CASD1: variants seen among roughly 807,000 people sequenced by gnomAD.
CASD1 encodes the protein N-acetylneuraminate (7)9-O-acetyltransferase.
A neutral mutation model predicts 100.0 loss-of-function variants in CASD1; 41 were observed. The ratio of observed to expected loss-of-function variants is 0.41; its 90% CI spans 0.32 to 0.53. The LOEUF is 0.53. Ranked by LOEUF, CASD1 falls within the 20% of genes least tolerant of loss-of-function variation. The pLI is 0.25. For missense variants in CASD1, 774 were observed against 948.7 expected, an observed-to-expected ratio of 0.82 and a Z score of 2.42; for synonymous variants, 321 against 315.6, an observed-to-expected ratio of 1.02 and a Z score of -0.18.
the CASD1 span, among the ~76,000 whole-genome samples, chr7:94,615,790 C>T: frequency 2.6e-4 from 40 of 152,238 alleles, no homozygotes; most frequent in African/African-American, 8.9e-4. Context: ...CTACATCACT[C>T]GCCTGTGGTT....
At chr7:94,569,804 A>G in the CASD1 span, among the ~76,000 whole-genome samples, 3 of 144,724 alleles carry the variant, frequency 2.1e-5, no homozygotes, top group Non-Finnish European at 3.0e-5. Flanking sequence ...CATTCTACCA[A>G]TCTCTGACTT....
the CASD1 span, among the ~76,000 whole-genome samples, chr7:94,577,735 T>G: frequency 6.6e-6 from 1 of 152,210 alleles, no homozygotes; most frequent in African/African-American, 2.4e-5. Flanking sequence ...TATCCACAAT[T>G]TTAGGCAGCT....
At chr7:94,627,381 C>G in the CASD1 span, 1 of 151,976 alleles carries the variant, frequency 6.6e-6, no homozygotes, top group Non-Finnish European at 1.5e-5. Context: ...ATGCTAGGTG[C>G]TGGTGAGGAC....
At position 94,535,560 on chromosome 7, in the gene CASD1, A is replaced by G. The variant is rs774416932; in HGVS notation, c.843+37A>G. 9 of 1,403,986 alleles carry G rather than the reference A, an allele frequency of 6.4e-6. No homozygotes were observed. In the East Asian group the frequency reaches 1.4e-4, roughly 21 times the overall value. 87.0% of individuals were successfully genotyped at this position (1,403,986 alleles called of 1,614,324 possible). A position where few individuals can be genotyped will look rare whatever the true frequency, so the allele number is the denominator to read the frequency against. On this transcript the variant is annotated intron_variant, in intron 8 of 17. Transcript: ENST00000297273. Reference sequence around the variant, plus strand: ...TTACATATGTCAGTAGATGGAGACTATAATATCAATTGCTTTAAGCCATAA... The same window carrying G: ...TTACATATGTCAGTAGATGGAGACTGTAATATCAATTGCTTTAAGCCATAA...
Position 94,522,899 on chromosome 7 carries a change from G to C in CASD1, c.352-4263G>C, listed in dbSNP as rs1794362639. On this transcript the variant is annotated intron_variant, in intron 3 of 17. Coordinates refer to ENST00000297273, the MANE Select transcript of CASD1 (RefSeq NM_022900.5). ...GATGGTCTCGATCTCCTGACCTCGT[G>C]ATCCACCCACCTCGGCCTCCCAAAG... is the stretch of plus-strand genomic sequence containing the variant. Among the ~76,000 whole-genome samples, 2 of 152,146 alleles carry C rather than the reference G, an allele frequency of 1.3e-5. 1 individual carries two copies. Among genetic ancestry groups the C allele is most frequent in the South Asian group, 4.1e-4 (2 of 4,826 alleles).
At chr7:94,595,540 C>T in the CASD1 span, among the ~76,000 whole-genome samples, 1 of 152,190 alleles carries the variant, frequency 6.6e-6, no homozygotes, top group Non-Finnish European at 1.5e-5. Flanking sequence ...AAGTACAAGA[C>T]AGCATTATCC....
the CASD1 span, among the ~76,000 whole-genome samples, chr7:94,593,834 C>T: frequency 5.3e-5 from 8 of 152,060 alleles, no homozygotes; most frequent in Non-Finnish European, 8.8e-5. Flanking sequence ...ATGTGAATAA[C>T]AACCCTTCTT....
At chr7:94,520,695 C>T (rs749391112) in intron 3 of CASD1, among the ~76,000 whole-genome samples, 4 of 152,160 alleles carry the variant, frequency 2.6e-5, no homozygotes, top group African/African-American at 7.2e-5. Flanking sequence ...TGGTGACTCA[C>T]GCCTGTAATC....
At chr7:94,620,181 AC>A in the CASD1 span, 1 of 152,290 alleles carries the variant, frequency 6.6e-6, no homozygotes, top group African/African-American at 2.4e-5. Flanking sequence ...ATCTTGGTTA[AC>A]TTATTTCTTA....
At chr7:94,614,965 C>A in the CASD1 span, among the ~76,000 whole-genome samples, 1 of 152,122 alleles carries the variant, frequency 6.6e-6, no homozygotes, top group Admixed American at 6.6e-5. Flanking sequence ...ATACAGGTTT[C>A]CAATTTTATT....
intron 1 of CASD1, among the ~76,000 whole-genome samples, chr7:94,514,155 C>T (rs946851515): frequency 4.6e-5 from 7 of 151,492 alleles, no homozygotes; most frequent in African/African-American, 1.7e-4. Flanking sequence ...TATTAAATGC[C>T]AGTGCTAAAT....
chr7:94,633,414 G>C, the CASD1 span, among the ~76,000 whole-genome samples: 9 of 152,062 alleles, frequency 5.9e-5, no homozygotes, highest in Non-Finnish European at 5.9e-5. Context: ...GAGCCAAAGG[G>C]TTATGTAAGC....
At chr7:94,541,353 A>G (rs1228975544) in intron 10 of CASD1, among the ~76,000 whole-genome samples, 3 of 151,814 alleles carry the variant, frequency 2.0e-5, no homozygotes, top group East Asian at 3.8e-4. Flanking sequence ...TTTTATGCTA[A>G]AAGATAACTG....
the CASD1 span, among the ~76,000 whole-genome samples, chr7:94,596,140 TAGAG>T: frequency 6.6e-6 from 1 of 152,084 alleles, no homozygotes. Context: ...CATTTGCAAA[TAGAG>T]AGATCTGATC....
At position 94,516,916 on chromosome 7, in the gene CASD1, TA is replaced by T. The variant is rs113774762; in HGVS notation, c.134-640del. 1.8e-3 allele frequency among the ~76,000 whole-genome samples: 271 copies of T among 148,848 alleles called. 1 individual carries two copies. The highest frequency in any genetic ancestry group is 1.6e-3 in the Non-Finnish European group (108 of 66,890). On this transcript the variant is annotated intron_variant, in intron 1 of 17. Transcript: ENST00000297273. ...ATCCCTTAAACTTTTTTTTTTTTTTTAAAATGAGGCAGAGTCTAGCTCTGTC... is the reference window on the plus strand; with the variant it reads ...ATCCCTTAAACTTTTTTTTTTTTTTTAAATGAGGCAGAGTCTAGCTCTGTC...
the CASD1 span, chr7:94,618,546 A>G: frequency 1.5e-5 from 8 of 539,700 alleles, no homozygotes; most frequent in Non-Finnish European, 2.6e-5. Flanking sequence ...ATCTACAATT[A>G]GATTTCACAG....
At chr7:94,595,811 G>C in the CASD1 span, among the ~76,000 whole-genome samples, 2 of 151,940 alleles carry the variant, frequency 1.3e-5, no homozygotes, top group African/African-American at 4.8e-5. Context: ...CACATATTCT[G>C]GCTTATAGGG....
the CASD1 span, among the ~76,000 whole-genome samples, chr7:94,613,768 T>C: frequency 6.6e-6 from 1 of 152,186 alleles, no homozygotes; most frequent in Non-Finnish European, 1.5e-5. Flanking sequence ...TTTATGTATA[T>C]AGAAGATAAA....
the CASD1 span, among the ~76,000 whole-genome samples, chr7:94,576,440 G>GT: frequency 6.6e-6 from 1 of 152,168 alleles, no homozygotes; most frequent in African/African-American, 2.4e-5. Flanking sequence ...TGTATTTATG[G>GT]TATTTATTGT....
Sources: allele counts gnomAD v4.1 joint callset (sites outside exome capture counted in the v4.1 genomes callset), GRCh38; gene constraint gnomAD v4.1.1; transcripts MANE v1.5; gene names NCBI Gene and HGNC (gene_info 2026-07-23, HGNC 2026-07-21).